Variants in NRXN1 observed in about 807,000 individuals in gnomAD.
NRXN1 encodes neurexin-1.
Under a neutral mutation model 150.9 loss-of-function variants are expected in NRXN1, and 39 were observed. The observed-to-expected ratio is 0.26, with a 90% confidence interval of 0.20 to 0.34. The LOEUF (loss-of-function observed/expected upper bound fraction) is 0.34, where lower values mean the gene tolerates loss of function less well. Ranked by LOEUF, NRXN1 falls within the 10% of genes least tolerant of loss-of-function variation. The pLI, the probability that NRXN1 is intolerant of heterozygous loss-of-function variation, is 1.00. For synonymous variants in NRXN1, 924 were observed against 757.0 expected (o/e 1.22, Z -3.62); for missense variants, 1,815 against 1,949.9 (o/e 0.93, Z 1.30).
intron 17 of NRXN1, among the ~76,000 whole-genome samples, chr2:50,395,387 C>T (rs1572815183): frequency 6.6e-6 from 1 of 151,326 alleles, no homozygotes; most frequent in East Asian, 2.0e-4. Flanking sequence ...ATTAAACATA[C>T]TCTTCTACAA....
At position 50,685,122 on chromosome 2, in the gene NRXN1, T is replaced by A. The variant is rs1051704820; in HGVS notation, c.833-61507A>T. Among the ~76,000 whole-genome samples the A allele has an allele frequency of 2.0e-5, 3 of 152,336 alleles. No individual in the cohort carries two copies. In the East Asian group the frequency reaches 5.8e-4, roughly 29 times the overall value. The stretch of plus-strand genomic sequence containing the variant: ...CCAGTTTATATACTAAAACTACACA[T>A]CTCACTTAAACAAAATTATTATTTT... On this transcript the variant is annotated intron_variant, in intron 5 of 22. Coordinates refer to ENST00000401669, the MANE Select transcript of NRXN1 (RefSeq NM_001330078.2).
intron 21 of NRXN1, among the ~76,000 whole-genome samples, chr2:49,988,557 C>T (rs572629558): frequency 6.8e-6 from 1 of 147,662 alleles, no homozygotes; most frequent in South Asian, 2.1e-4. Flanking sequence ...GACTTAGTAA[C>T]AGAGTTCTCT....
intron 17 of NRXN1, among the ~76,000 whole-genome samples, chr2:50,279,226 A>T (rs1318025722): frequency 6.6e-6 from 1 of 152,196 alleles, no homozygotes; most frequent in East Asian, 1.9e-4. Context: ...TATCTATAAA[A>T]CAGCCCTAAG....
intron 5 of NRXN1, among the ~76,000 whole-genome samples, chr2:50,775,255 C>G (rs886364270): frequency 3.3e-5 from 5 of 152,066 alleles, no homozygotes; most frequent in African/African-American, 1.2e-4. Flanking sequence ...CTAACAGTAG[C>G]AGACAGAATT....
intron 5 of NRXN1, among the ~76,000 whole-genome samples, chr2:50,832,608 C>T (rs1054403689): frequency 9.2e-5 from 14 of 152,228 alleles, no homozygotes; most frequent in South Asian, 4.1e-4. Context: ...GAGCCAATGT[C>T]GCACCACTGC....
intron 5 of NRXN1, among the ~76,000 whole-genome samples, chr2:50,759,049 T>A (rs1026551037): frequency 1.3e-5 from 2 of 151,980 alleles, no homozygotes; most frequent in Non-Finnish European, 2.9e-5. Flanking sequence ...TAAAAAGCTA[T>A]AATTGACTCT....
At chr2:50,158,883 T>C (rs1274267154) in intron 18 of NRXN1, among the ~76,000 whole-genome samples, 1 of 151,978 alleles carries the variant, frequency 6.6e-6, no homozygotes, top group Non-Finnish European at 1.5e-5. Context: ...TTATTAGGAG[T>C]CCATATAGAT....
chr2:50,765,002 T>C (rs1702227037), intron 5 of NRXN1, among the ~76,000 whole-genome samples: 1 of 151,988 alleles, frequency 6.6e-6, no homozygotes, highest in Non-Finnish European at 1.5e-5. Flanking sequence ...TTATTGTTGT[T>C]AAAAGAAACT....
At chr2:50,201,203 T>C (rs1438230324) in intron 18 of NRXN1, among the ~76,000 whole-genome samples, 1 of 152,140 alleles carries the variant, frequency 6.6e-6, no homozygotes, top group Non-Finnish European at 1.5e-5. Flanking sequence ...TAAATTACAA[T>C]CTAATGAGGA....
chr2:50,063,239 G>T (rs984866379), intron 19 of NRXN1, among the ~76,000 whole-genome samples: 2 of 152,020 alleles, frequency 1.3e-5, no homozygotes, highest in Non-Finnish European at 2.9e-5. Context: ...CAAATAAATA[G>T]ATTTTGAATA....
At chr2:50,713,000 G>A (rs949402267) in intron 5 of NRXN1, among the ~76,000 whole-genome samples, 6 of 152,054 alleles carry the variant, frequency 3.9e-5, no homozygotes, top group Admixed American at 6.6e-5. Flanking sequence ...TTTTGTGCTT[G>A]TATATCTGAG....
rs369463481 is a variant in NRXN1, at chr2:50,601,441, T to C, written c.1320+18581A>G. ...CAGGATGGTACCAAAACAACAGAAA[T>C]TCTGATGAATTATGTCATTCGAGTT... On this transcript the variant is annotated intron_variant, in intron 8 of 22. Transcript: ENST00000401669. Among the ~76,000 whole-genome samples the C allele has an allele frequency of 3.7e-4, 57 of 152,274 alleles. 1 individual carries two copies. Among genetic ancestry groups the C allele is most frequent in the African/African-American group, 1.3e-3 (54 of 41,560 alleles).
chr2:50,090,354 A>T (rs1243741244), intron 19 of NRXN1, among the ~76,000 whole-genome samples: 1 of 152,088 alleles, frequency 6.6e-6, no homozygotes, highest in Non-Finnish European at 1.5e-5. Flanking sequence ...AATTTTGATT[A>T]TTATTTTTAT....
chr2:50,454,094 G>A (rs2087270592), intron 17 of NRXN1, among the ~76,000 whole-genome samples: 1 of 152,132 alleles, frequency 6.6e-6, no homozygotes, highest in Non-Finnish European at 1.5e-5. Context: ...TTGAGGCCGA[G>A]GTGGGCAGAT....
chr2:50,430,299 A>C (rs2084856464), intron 17 of NRXN1, among the ~76,000 whole-genome samples: 1 of 151,738 alleles, frequency 6.6e-6, no homozygotes, highest in African/African-American at 2.4e-5. Context: ...TCAGTCTGTA[A>C]TTTCACTTTA....
Position 50,084,602 on chromosome 2 carries a change from C to G in NRXN1, c.3718+6721G>C, listed in dbSNP as rs532537451. 1.1e-4 allele frequency among the ~76,000 whole-genome samples: 16 copies of G among 152,310 alleles called. No individual in the cohort carries two copies. The South Asian group carries it at 2.5e-3, about 24-fold the overall frequency. Reference sequence around the variant, plus strand: ...GCCCGTGCCTCTCCCTCCACACCCCCCGCAGGCTGAGGGAACCGGCTCTGG... The same window carrying G: ...GCCCGTGCCTCTCCCTCCACACCCCGCGCAGGCTGAGGGAACCGGCTCTGG... On this transcript the variant is annotated intron_variant, in intron 19 of 22. Transcript: ENST00000401669.
chr2:50,844,653 T>A (rs1056887045), intron 5 of NRXN1, among the ~76,000 whole-genome samples: 1 of 152,196 alleles, frequency 6.6e-6, no homozygotes, highest in Non-Finnish European at 1.5e-5. Flanking sequence ...ATGATAATCC[T>A]TCCTGAAGGA....
At chr2:50,524,951 G>C (rs1203155846) in intron 12 of NRXN1, among the ~76,000 whole-genome samples, 1 of 152,134 alleles carries the variant, frequency 6.6e-6, no homozygotes, top group Non-Finnish European at 1.5e-5. Context: ...TTGAAATTGA[G>C]ACCATCATTA....
At chr2:50,047,228 G>C (rs1305760499) in intron 21 of NRXN1, among the ~76,000 whole-genome samples, 1 of 151,870 alleles carries the variant, frequency 6.6e-6, no homozygotes, top group East Asian at 1.9e-4. Flanking sequence ...CATAGCCTTG[G>C]GTAAGTTAGC....
Sources: gnomAD v4.1 joint callset for allele counts (sites outside exome capture counted in the v4.1 genomes callset) on GRCh38, gnomAD v4.1.1 for gene constraint, MANE v1.5 for transcripts, NCBI Gene and HGNC (gene_info 2026-07-23, HGNC 2026-07-21) for gene names.